TAS2R1: variants seen among roughly 807,000 people sequenced by gnomAD.
The protein encoded by TAS2R1 is taste receptor type 2 member 1.
For synonymous variants in TAS2R1, 141 were observed against 134.2 expected, an observed-to-expected ratio of 1.05 and a Z score of -0.35; for missense variants, 370 against 353.4, an observed-to-expected ratio of 1.05 and a Z score of -0.38.
the TAS2R1 span, among the ~76,000 whole-genome samples, chr5:9,751,149 T>C: frequency 7.3e-5 from 11 of 151,122 alleles, no homozygotes; most frequent in African/African-American, 1.2e-4. Flanking sequence ...TTATCTGTGA[T>C]AAATGGATCT....
At chr5:9,838,082 C>T in the TAS2R1 span, among the ~76,000 whole-genome samples, 2 of 152,104 alleles carry the variant, frequency 1.3e-5, no homozygotes, top group East Asian at 3.9e-4. Context: ...GCAGAGACAA[C>T]CCCCCCAGGG....
chr5:9,675,979 T>G (rs1012159655), intron 1 of TAS2R1, among the ~76,000 whole-genome samples: 1 of 152,186 alleles, frequency 6.6e-6, no homozygotes, highest in Non-Finnish European at 1.5e-5. Context: ...AATATGATAT[T>G]AGCTATGGGA....
chr5:9,721,282 T>C, the TAS2R1 span, among the ~76,000 whole-genome samples: 18 of 152,214 alleles, frequency 1.2e-4, no homozygotes, highest in Non-Finnish European at 2.6e-4. Flanking sequence ...GAAAGTGGTA[T>C]ATGAAAGTAC....
the TAS2R1 span, among the ~76,000 whole-genome samples, chr5:9,775,782 C>T: frequency 1.3e-5 from 2 of 152,318 alleles, no homozygotes; most frequent in South Asian, 2.1e-4. Flanking sequence ...TTGGGTGCCC[C>T]ATCCTACTGT....
At chr5:9,806,248 G>A in the TAS2R1 span, among the ~76,000 whole-genome samples, 1 of 151,832 alleles carries the variant, frequency 6.6e-6, no homozygotes, top group East Asian at 1.9e-4. Flanking sequence ...GAAAGAAATC[G>A]TAGATAACAC....
chr5:9,639,662 T>G (rs1740033264), intron 2 of TAS2R1, among the ~76,000 whole-genome samples: 1 of 152,190 alleles, frequency 6.6e-6, no homozygotes, highest in South Asian at 2.1e-4. Flanking sequence ...TCTCCAACCT[T>G]AGCTAAATCT....
chr5:9,717,317 G>T (rs1158151401), upstream of TAS2R1, among the ~76,000 whole-genome samples: 22 of 152,030 alleles, frequency 1.4e-4, no homozygotes. Context: ...AGACGGGAAA[G>T]AAGGACTTAA....
At chr5:9,659,773 T>G (rs891675147) in intron 1 of TAS2R1, 2 of 152,132 alleles carry the variant, frequency 1.3e-5, no homozygotes, top group Non-Finnish European at 2.9e-5. Context: ...CAGATTTGGC[T>G]TTAATGACTT....
At chr5:9,816,943 T>G in the TAS2R1 span, among the ~76,000 whole-genome samples, 8 of 152,174 alleles carry the variant, frequency 5.3e-5, no homozygotes, top group Non-Finnish European at 1.2e-4. Context: ...GTCTTTTAAA[T>G]TTCATTCTTT....
At chr5:9,865,561 T>C in the TAS2R1 span, among the ~76,000 whole-genome samples, 1 of 152,248 alleles carries the variant, frequency 6.6e-6, no homozygotes, top group African/African-American at 2.4e-5. Flanking sequence ...CTCCCTTTGC[T>C]GTTTTCTTTA....
the TAS2R1 span, among the ~76,000 whole-genome samples, chr5:9,784,518 G>A: frequency 6.6e-6 from 1 of 152,166 alleles, no homozygotes; most frequent in African/African-American, 2.4e-5. Context: ...GATAGCACAG[G>A]GTTTCAACCT....
the TAS2R1 span, among the ~76,000 whole-genome samples, chr5:9,720,411 G>A: frequency 9.2e-5 from 14 of 152,362 alleles, no homozygotes; most frequent in South Asian, 2.1e-4. Context: ...GCAATGGCAG[G>A]AAGCAAGAGA....
chr5:9,672,519 T>C lies in TAS2R1; in HGVS notation c.-241-12938A>G, dbSNP rs147798463. 3.9e-5 allele frequency among the ~76,000 whole-genome samples: 6 copies of C among 151,958 alleles called. No homozygotes were observed. The East Asian group carries it at 7.7e-4, about 20-fold the overall frequency. On this transcript the variant is annotated intron_variant, in intron 1 of 2. Coordinates refer to the TAS2R1 transcript ENST00000506620. ...GAGAAGACATACACACAATCAACAA[T>C]CATCTGAAAAAATGCTCAATATCAC...
chr5:9,815,206 C>A, the TAS2R1 span, among the ~76,000 whole-genome samples: 1 of 152,168 alleles, frequency 6.6e-6, no homozygotes, highest in Non-Finnish European at 1.5e-5. Context: ...TGGAGACAGA[C>A]CAGATTAAGA....
chr5:9,684,356 T>C (rs776505890), intron 1 of TAS2R1, among the ~76,000 whole-genome samples: 22 of 152,244 alleles, frequency 1.4e-4, no homozygotes, highest in Middle Eastern at 3.4e-3. Context: ...GTTGAACTCA[T>C]AGAAGTAGAG....
chr5:9,748,113 C>T, the TAS2R1 span, among the ~76,000 whole-genome samples: 2 of 152,136 alleles, frequency 1.3e-5, no homozygotes, highest in African/African-American at 4.8e-5. Flanking sequence ...TTAAGTAGGA[C>T]ATGAAGTTTT....
the TAS2R1 span, among the ~76,000 whole-genome samples, chr5:9,876,450 GT>G: frequency 6.6e-6 from 1 of 152,044 alleles, no homozygotes; most frequent in Non-Finnish European, 1.5e-5. Context: ...GGCCACAATT[GT>G]TCTCTTGCGA....
At chr5:9,635,258 G>A (rs576210004), upstream of TAS2R1, among the ~76,000 whole-genome samples, 3 of 152,160 alleles carry the variant, frequency 2.0e-5, no homozygotes, top group East Asian at 5.8e-4. Context: ...GTATTGACTT[G>A]TATATGTTAA....
intron 1 of TAS2R1, among the ~76,000 whole-genome samples, chr5:9,677,711 T>C (rs896219894): frequency 4.6e-5 from 7 of 152,178 alleles, no homozygotes; most frequent in African/African-American, 1.7e-4. Flanking sequence ...GGAACTCTCA[T>C]TGATAGCTAG....
Sources: gnomAD v4.1 joint callset for allele counts (sites outside exome capture counted in the v4.1 genomes callset) on GRCh38, gnomAD v4.1.1 for gene constraint, MANE v1.5 for transcripts, NCBI Gene and HGNC (gene_info 2026-07-23, HGNC 2026-07-21) for gene names.